Variants in BMP7 observed in about 807,000 individuals in gnomAD.
BMP7 encodes osteogenic protein 1.
A neutral mutation model predicts 41.2 loss-of-function variants in BMP7; 12 were observed. That is an observed-to-expected ratio of 0.29 (90% CI 0.19 to 0.47). The LOEUF is 0.47. Among genes scored for constraint, BMP7 ranks in the 20% least tolerant of loss-of-function variants. BMP7 has a pLI of 0.99. For synonymous variants in BMP7, 248 were observed against 250.0 expected, an observed-to-expected ratio of 0.99 and a Z score of 0.07; for missense variants, 467 against 606.0, an observed-to-expected ratio of 0.77 and a Z score of 2.41.
intron 2 of BMP7, among the ~76,000 whole-genome samples, chr20:57,216,559 T>TCTCTTGAGGGCGAGGGGCTGC (rs1985032658): frequency 6.9e-6 from 1 of 145,518 alleles, no homozygotes; most frequent in Non-Finnish European, 1.5e-5. Context: ...CGAGGGGCTG[T>TCTCTTGAGGGCGAGGGGCTGC]CTCCTGAGGG....
chr20:57,177,397 G>GA (rs1568703047), intron 4 of BMP7, among the ~76,000 whole-genome samples: 1 of 152,112 alleles, frequency 6.6e-6, no homozygotes, highest in Non-Finnish European at 1.5e-5. Flanking sequence ...GCCCAGGCTG[G>GA]AGTACAGTGG....
At chr20:57,245,994 C>G (rs566602855) in intron 1 of BMP7, among the ~76,000 whole-genome samples, 1 of 152,236 alleles carries the variant, frequency 6.6e-6, no homozygotes, top group East Asian at 1.9e-4. Context: ...AGTTTAGAAA[C>G]AGGCAAGGTT....
rs1246110976 is a variant in BMP7, at chr20:57,261,370, G to A, written c.418+4335C>T. ...CTTCCATGGGGACCGCTCCACAACC[G>A]AATGACAACCCTGGAACCAAAACCA... On this transcript the variant is annotated intron_variant, in intron 1 of 6. Transcript: ENST00000395863. This position sits in a 1 kb window ranked among gnomAD's most constrained non-coding sequence, Gnocchi z 4.1. 2.0e-5 allele frequency among the ~76,000 whole-genome samples: 3 copies of A among 152,068 alleles called. No homozygotes were observed. The highest frequency in any genetic ancestry group is 4.8e-5 in the African/African-American group (2 of 41,402).
rs150852393 is a variant in BMP7 at position 57,177,418 on chromosome 20, G to A, written c.959-2411C>T. 2.1e-3 allele frequency among the ~76,000 whole-genome samples: 327 copies of A among 152,186 alleles called. 2 individuals are homozygous for A. The highest frequency in any genetic ancestry group is 0.01 in the Middle Eastern group (3 of 294). On this transcript the variant is annotated intron_variant, in intron 4 of 6. Coordinates refer to ENST00000395863, the MANE Select transcript of BMP7 (RefSeq NM_001719.3). ...GCTGGAGTACAGTGGTGCAATCTTGGCTCACTGCAACCTCTGCCTCCTGGG... is the reference window on the plus strand; with the variant it reads ...GCTGGAGTACAGTGGTGCAATCTTGACTCACTGCAACCTCTGCCTCCTGGG...
intron 2 of BMP7, among the ~76,000 whole-genome samples, chr20:57,204,196 C>G (rs1359712053): frequency 1.3e-5 from 2 of 152,212 alleles, no homozygotes; most frequent in Admixed American, 6.5e-5. Context: ...ATGTAACCCA[C>G]TAAGCCACGG....
intron 1 of BMP7, among the ~76,000 whole-genome samples, chr20:57,236,360 C>T (rs779817777): frequency 2.2e-4 from 34 of 152,284 alleles, no homozygotes; most frequent in Middle Eastern, 6.8e-3. Flanking sequence ...GGAAGAAACA[C>T]GTGTGGCTGC....
intron 6 of BMP7, among the ~76,000 whole-genome samples, chr20:57,172,760 G>A (rs1443496634): frequency 6.6e-6 from 1 of 152,100 alleles, no homozygotes; most frequent in African/African-American, 2.4e-5. Context: ...ACTTGAAATG[G>A]CCCCATGGGT....
rs73914174 is a variant in BMP7, at chr20:57,224,918, G to A, written c.611+3311C>T. ...TCTGGATTCCGAGAGATCAAGAGGA[G>A]TCAGTGGAAAGTGACTCCCACAAGG... On this transcript the variant is annotated intron_variant, in intron 2 of 6. Coordinates refer to ENST00000395863, the MANE Select transcript of BMP7 (RefSeq NM_001719.3). This position sits in a 1 kb window ranked among gnomAD's most constrained non-coding sequence, Gnocchi z 4.8. 1 of 152,276 alleles carries A rather than the reference G, an allele frequency of 6.6e-6. No individual in the cohort carries two copies. The highest frequency in any genetic ancestry group is 1.5e-5 in the Non-Finnish European group (1 of 68,068). The allele number at this position is 152,276 out of a possible 1,614,324, so 9.4% of individuals were successfully genotyped here.
chr20:57,248,987 G>A lies in BMP7; in HGVS notation c.418+16718C>T, dbSNP rs189104934. Among the ~76,000 whole-genome samples, 296 of 151,990 alleles carry A rather than the reference G, an allele frequency of 1.9e-3. 2 individuals carry two copies. The highest frequency in any genetic ancestry group is 6.8e-3 in the East Asian group (35 of 5,116). Reference sequence around the variant, plus strand: ...CTAATTTTTTTTTGTATTTTTAGTAGAGACGATGTTTCACCGTGTTAGCTA... The same window carrying A: ...CTAATTTTTTTTTGTATTTTTAGTAAAGACGATGTTTCACCGTGTTAGCTA... On this transcript the variant is annotated intron_variant, in intron 1 of 6. Transcript: ENST00000395863.
At position 57,203,417 on chromosome 20, in the gene BMP7, GTGGA is replaced by G. The variant is rs932466230; in HGVS notation, c.612-798_612-795del. On this transcript the variant is annotated intron_variant, in intron 2 of 6. Transcript: ENST00000395863. ...AATGGATGGGTACGTGGGTGAATGA[GTGGA>G]TGGATGGATGGATGGTTGGATGGAT... Among the ~76,000 whole-genome samples, 123 of 152,130 alleles carry G rather than the reference GTGGA, an allele frequency of 8.1e-4. 1 individual carries two copies. Among genetic ancestry groups the G allele is most frequent in the African/African-American group, 2.8e-3 (118 of 41,492 alleles).
At chr20:57,190,413 C>A (rs13039028) in intron 3 of BMP7, among the ~76,000 whole-genome samples, 725 of 18,626 alleles carry the variant, frequency 0.039, 20 homozygotes, top group East Asian at 0.12. Context: ...GGCTGGAGAG[C>A]GTGAGTGAGG....
chr20:57,261,702 G>A lies in BMP7; in HGVS notation c.418+4003C>T, dbSNP rs917744716. 2.0e-5 allele frequency among the ~76,000 whole-genome samples: 3 copies of A among 152,180 alleles called. No individual in the cohort carries two copies. The highest frequency in any genetic ancestry group is 4.4e-5 in the Non-Finnish European group (3 of 68,032). On this transcript the variant is annotated intron_variant, in intron 1 of 6. Transcript: ENST00000395863. The surrounding 1 kb of genome is among the most constrained non-coding windows in gnomAD (Gnocchi z 4.1). ...GCTCACCAGTGAGGGCCGGCGCTCC[G>A]AGTGCTGGAATGTGGAGCAGCCCCT...
intron 2 of BMP7, among the ~76,000 whole-genome samples, chr20:57,206,493 AC>A (rs1205046227): frequency 6.6e-6 from 1 of 151,894 alleles, no homozygotes; most frequent in Non-Finnish European, 1.5e-5. Context: ...AAACCCTGCC[AC>A]CTCCTTCACT....
chr20:57,264,566 C>G (rs1489680798), intron 1 of BMP7, among the ~76,000 whole-genome samples: 1 of 152,184 alleles, frequency 6.6e-6, no homozygotes, highest in Non-Finnish European at 1.5e-5. Flanking sequence ...CTCGCGTCGC[C>G]GGGGTCGTCG....
chr20:57,188,639 A>G (rs1443154525), intron 3 of BMP7, among the ~76,000 whole-genome samples: 1 of 152,214 alleles, frequency 6.6e-6, no homozygotes, highest in African/African-American at 2.4e-5. Context: ...AAAAAACTAA[A>G]AAGCAAAACA....
chr20:57,253,859 A>G (rs562219643), intron 1 of BMP7, among the ~76,000 whole-genome samples: 5 of 152,240 alleles, frequency 3.3e-5, no homozygotes, highest in Admixed American at 1.3e-4. Context: ...TTCCACAACC[A>G]CAGGGCATTT....
At chr20:57,225,957 C>G (rs1381114304) in intron 2 of BMP7, 1 of 471,070 alleles carries the variant, frequency 2.1e-6, no homozygotes, top group Non-Finnish European at 4.4e-6. Flanking sequence ...GCAGCAGGTA[C>G]CTGTGCTGAG....
chr20:57,176,750 T>TCACACACACACACACA lies in BMP7; in HGVS notation c.959-1759_959-1744dup, dbSNP rs60465573. On this transcript the variant is annotated intron_variant, in intron 4 of 6. Transcript: ENST00000395863. The stretch of plus-strand genomic sequence containing the variant: ...ATTTGAAACTACGCACATTCTCCAT[T>TCACACACACACACACA]CACACACACACACACACACACACAC... Among the ~76,000 whole-genome samples the TCACACACACACACACA allele has an allele frequency of 1.9e-3, 256 of 135,500 alleles. 1 individual carries two copies. Among genetic ancestry groups the TCACACACACACACACA allele is most frequent in the African/African-American group, 2.5e-3 (89 of 35,824 alleles). 88.9% of individuals were successfully genotyped at this position (135,500 alleles called of 152,430 possible).
At chr20:57,173,084 A>C in intron 6 of BMP7, 116 bp downstream of exon 6, 1 of 1,132,490 alleles carries the variant, frequency 8.8e-7, no homozygotes. Context: ...CCCAAAAGTC[A>C]TGACATGGCA....
Sources: allele counts gnomAD v4.1 joint callset (sites outside exome capture counted in the v4.1 genomes callset), GRCh38; gene constraint gnomAD v4.1.1; non-coding constraint Gnocchi (gnomAD v3.1); transcripts MANE v1.5; gene names NCBI Gene and HGNC (gene_info 2026-07-23, HGNC 2026-07-21).